Variants in RC3H1 observed in about 807,000 individuals in gnomAD.
RC3H1 encodes the protein ring finger and CCCH-type domains 1.
RC3H1 carries 50 observed loss-of-function variants against 138.2 expected under a neutral mutation model. The observed-to-expected ratio is 0.36, with a 90% CI of 0.29 to 0.46. The LOEUF is 0.46. Among genes scored for constraint, RC3H1 ranks in the 20% least tolerant of loss-of-function variants. RC3H1 has a pLI of 1.00. For missense variants in RC3H1, 1,031 were observed against 1,388.1 expected, an observed-to-expected ratio of 0.74 and a Z score of 4.09; for synonymous variants, 462 against 489.1, an observed-to-expected ratio of 0.94 and a Z score of 0.73.
chr1:173,966,864 A>G (rs1402858739), intron 9 of RC3H1, among the ~76,000 whole-genome samples: 3 of 152,246 alleles, frequency 2.0e-5, no homozygotes, highest in Non-Finnish European at 2.9e-5. Context: ...AGTCTAGTGT[A>G]TCATTATATG....
At position 173,938,644 on chromosome 1, in the gene RC3H1, A is replaced by C; in HGVS notation, c.*77T>G. The C allele has an allele frequency of 9.0e-7, 1 of 1,116,686 alleles. No homozygotes were observed. The highest frequency in any genetic ancestry group is 1.2e-6 in the Non-Finnish European group (1 of 806,946). 69.2% of individuals were successfully genotyped at this position (1,116,686 alleles called of 1,614,324 possible). ...TGACCGCTCTTAAGAGAAAAAGTTT[A>C]GAAGTTATGCGTTCTCCTACCCCTA... On this transcript the variant is annotated 3_prime_UTR_variant, in exon 20 of 20. Transcript: ENST00000367696.
intron 1 of RC3H1, among the ~76,000 whole-genome samples, chr1:174,001,838 C>T (rs1474811101): frequency 6.6e-6 from 1 of 152,142 alleles, no homozygotes. Context: ...TTGAATATTA[C>T]ATATACTATA....
chr1:173,963,831 C>T (rs1026306778), intron 11 of RC3H1, 142 bp downstream of exon 11: 2 of 658,002 alleles, frequency 3.0e-6, no homozygotes, highest in South Asian at 2.1e-5. Flanking sequence ...ATCATAAAAT[C>T]TCAATTTTTC....
In RC3H1 at chr1:173,972,695, A is replaced by T. The variant is rs1159144057; in HGVS notation, c.1103-68T>A. 4 of 1,015,574 alleles carry T rather than the reference A, an allele frequency of 3.9e-6. No individual in the cohort carries two copies. The East Asian group carries it at 9.6e-5, about 24-fold the overall frequency. 62.9% of individuals were successfully genotyped at this position (1,015,574 alleles called of 1,614,324 possible). A position where few individuals can be genotyped will look rare whatever the true frequency, so the allele number is the denominator to read the frequency against. On this transcript the variant is annotated intron_variant, in intron 7 of 19. Coordinates refer to ENST00000367696, the MANE Select transcript of RC3H1 (RefSeq NM_172071.4). ...AAATTTTCCCTAATATCAAATTAAT[A>T]AAAGAGTTACTTGAAAACATTTCAG...
intron 1 of RC3H1, among the ~76,000 whole-genome samples, chr1:174,020,226 A>G (rs1479272873): frequency 6.6e-6 from 1 of 152,178 alleles, no homozygotes; most frequent in Admixed American, 6.5e-5. Flanking sequence ...GGAGCCATAG[A>G]AAGTTGTTAT....
In RC3H1 at chr1:173,936,797, T is replaced by A. The variant is rs1309938693; in HGVS notation, c.*1924A>T. The A allele has an allele frequency of 1.7e-5, 2 of 119,540 alleles. No individual in the cohort carries two copies. Among genetic ancestry groups the A allele is most frequent in the Non-Finnish European group, 3.5e-5 (2 of 57,836 alleles). The allele number at this position is 119,540 out of a possible 1,614,324, so 7.4% of individuals were successfully genotyped here. A position where few individuals can be genotyped will look rare whatever the true frequency, so the allele number is the denominator to read the frequency against. On this transcript the variant is annotated 3_prime_UTR_variant, in exon 20 of 20. Transcript: ENST00000367696. ...TTTTTTTAAAAAAAGAAGACAAATG[T>A]ATAAGAAAACTGGAAAAAAAAAAAG...
At chr1:174,019,683 C>A (rs1423421589) in intron 1 of RC3H1, among the ~76,000 whole-genome samples, 2 of 152,058 alleles carry the variant, frequency 1.3e-5, no homozygotes, top group Non-Finnish European at 2.9e-5. Context: ...GGTTCCAAAA[C>A]TTCTTAGAAG....
At chr1:173,982,665 TACTTA>T (rs1304645125) in intron 5 of RC3H1, 57 bp downstream of exon 5, 7 of 1,378,222 alleles carry the variant, frequency 5.1e-6, no homozygotes, top group Non-Finnish European at 6.8e-6. Flanking sequence ...AAAGTTTTAC[TACTTA>T]ACTTTGGGGA....
At chr1:173,973,563 G>T (rs1348912679) in intron 7 of RC3H1, among the ~76,000 whole-genome samples, 2 of 149,834 alleles carry the variant, frequency 1.3e-5, no homozygotes, top group Admixed American at 6.7e-5. Flanking sequence ...TTTAATAGAA[G>T]AACTATCATA....
rs1660909369 is a variant in RC3H1, at chr1:173,983,639, G to C, written c.371C>G (p.Thr124Ser). ...SSARGVGLNSTTQSVLSRPMQ... is the reference protein window; with the variant it reads ...SSARGVGLNSSTQSVLSRPMQ... ...TGGGCGACTCAGAACACTCTGAGTA[G>C]TGCTGTTCAGACCCACTCCTTTAAA... Residue 124 changes from threonine (T) to serine (S), a missense_variant, in exon 4 of 20, where the codon ACT becomes AGT. Transcript: ENST00000367696. 6.2e-7 allele frequency: 1 copy of C among 1,614,042 alleles called. No individual in the cohort carries two copies. Among genetic ancestry groups the C allele is most frequent in the Non-Finnish European group, 8.5e-7 (1 of 1,180,022 alleles).
intron 14 of RC3H1, among the ~76,000 whole-genome samples, chr1:173,949,780 A>T (rs1659306331): frequency 6.6e-6 from 1 of 152,240 alleles, no homozygotes; most frequent in Non-Finnish European, 1.5e-5. Context: ...GAAATAGCCT[A>T]AATGTCCACC....
At chr1:173,943,119 A>G (rs1224106167) in intron 18 of RC3H1, among the ~76,000 whole-genome samples, 1 of 152,228 alleles carries the variant, frequency 6.6e-6, no homozygotes, top group Non-Finnish European at 1.5e-5. Context: ...GCAAAATAGT[A>G]AACACCATCC....
intron 17 of RC3H1, 118 bp downstream of exon 17, chr1:173,946,358 T>C: frequency 3.6e-6 from 3 of 836,730 alleles, no homozygotes; most frequent in African/African-American, 1.7e-5. Context: ...TAGAAACCTA[T>C]ACTAACTCCT....
chr1:174,004,655 A>C (rs34613542), intron 1 of RC3H1, among the ~76,000 whole-genome samples: 2,574 of 151,746 alleles, frequency 0.017, 67 homozygotes, highest in African/African-American at 0.058. Flanking sequence ...AAAATACAAA[A>C]AAAAAAAAAA....
intron 18 of RC3H1, 151 bp downstream of exon 18, chr1:173,943,291 C>T (rs372155154): frequency 7.2e-5 from 44 of 613,038 alleles, no homozygotes; most frequent in African/African-American, 4.5e-4. Flanking sequence ...ATGATAAAAT[C>T]GGAAGGTAGC....
intron 2 of RC3H1, 101 bp from the exon 3 acceptor site, chr1:173,984,720 A>T: frequency 8.5e-7 from 1 of 1,174,282 alleles, no homozygotes; most frequent in Non-Finnish European, 1.2e-6. Flanking sequence ...TAACATCAAA[A>T]CGCCCACTAA....
At chr1:173,994,146 C>T (rs976302051) in intron 1 of RC3H1, among the ~76,000 whole-genome samples, 2 of 149,998 alleles carry the variant, frequency 1.3e-5, no homozygotes, top group Non-Finnish European at 3.0e-5. Context: ...AATCCCAGCG[C>T]TTTGGGAGGC....
chr1:173,976,188 G>C (rs1660573331), intron 7 of RC3H1, among the ~76,000 whole-genome samples: 2 of 152,058 alleles, frequency 1.3e-5, no homozygotes, highest in Non-Finnish European at 2.9e-5. Context: ...TGTAATCCTA[G>C]CACTTTGGGA....
chr1:173,941,542 A>T, intron 18 of RC3H1, 162 bp from the exon 19 acceptor site: 1 of 559,374 alleles, frequency 1.8e-6, no homozygotes, highest in East Asian at 3.0e-5. Context: ...ACATAAAAAC[A>T]TAACAGAATA....
Sources: allele counts gnomAD v4.1 joint callset (sites outside exome capture counted in the v4.1 genomes callset), GRCh38; gene constraint gnomAD v4.1.1; transcripts MANE v1.5; gene names NCBI Gene and HGNC (gene_info 2026-07-23, HGNC 2026-07-21).